Variants in HECW2 observed in about 807,000 individuals in gnomAD.
HECW2 encodes HECT, C2 and WW domain containing E3 ubiquitin protein ligase 2.
A neutral mutation model predicts 175.2 loss-of-function variants in HECW2; 61 were observed. That is an observed-to-expected ratio of 0.35 (90% CI 0.28 to 0.43). HECW2 has a LOEUF of 0.43. Ranked by LOEUF, HECW2 falls within the 20% of genes least tolerant of loss-of-function variation. HECW2 has a pLI of 1.00. For missense variants in HECW2, 1,524 were observed against 2,000.5 expected (o/e 0.76, Z 4.54); for synonymous variants, 671 against 731.0 (o/e 0.92, Z 1.32).
At chr2:196,582,411 T>C (rs895398894) in intron 1 of HECW2, among the ~76,000 whole-genome samples, 3 of 152,194 alleles carry the variant, frequency 2.0e-5, no homozygotes, top group Non-Finnish European at 2.9e-5. Context: ...GGATGCCAAG[T>C]AGTTTCTGTT....
intron 1 of HECW2, among the ~76,000 whole-genome samples, chr2:196,527,450 C>T (rs1362405026): frequency 6.6e-6 from 1 of 152,218 alleles, no homozygotes; most frequent in African/African-American, 2.4e-5. Flanking sequence ...GCGTCGCTCA[C>T]GCTGGGAGCT....
At chr2:196,228,307 G>C (rs928757869) in intron 21 of HECW2, 53 bp from the exon 22 acceptor site, 28 of 1,538,088 alleles carry the variant, frequency 1.8e-5, no homozygotes, top group Middle Eastern at 4.8e-4. Context: ...TCTAGATATT[G>C]GGCAGTTTTT....
At chr2:196,406,621 T>C (rs1421339539) in intron 2 of HECW2, among the ~76,000 whole-genome samples, 1 of 152,192 alleles carries the variant, frequency 6.6e-6, no homozygotes, top group Non-Finnish European at 1.5e-5. Context: ...TTGACAAAGT[T>C]CTCTGTGATC....
intron 1 of HECW2, among the ~76,000 whole-genome samples, chr2:196,479,403 A>G (rs1362255048): frequency 6.6e-6 from 1 of 152,210 alleles, no homozygotes; most frequent in Non-Finnish European, 1.5e-5. Flanking sequence ...CTCCAGAACA[A>G]GAAGTGCTAC....
chr2:196,538,561 G>C (rs889562615), intron 1 of HECW2, among the ~76,000 whole-genome samples: 2 of 152,102 alleles, frequency 1.3e-5, no homozygotes, highest in Admixed American at 1.3e-4. Context: ...GATTAGTCTT[G>C]TATCAGGGAA....
intron 5 of HECW2, among the ~76,000 whole-genome samples, chr2:196,328,856 T>C (rs951305438): frequency 1.3e-5 from 2 of 152,202 alleles, no homozygotes; most frequent in African/African-American, 4.8e-5. Context: ...TTTTCAACAG[T>C]GTCCTATGTA....
In HECW2 at chr2:196,472,317, C is replaced by T. The variant is rs531266554; in HGVS notation, c.-35-38859G>A. 1.5e-4 allele frequency among the ~76,000 whole-genome samples: 23 copies of T among 151,418 alleles called. 1 individual carries two copies. In the East Asian group the frequency reaches 4.3e-3, roughly 28 times the overall value. ...TGGCCAACATGGAGAAACCCTGTCT[C>T]TACTAAAAATACAAAAATTTGGGGG... On this transcript the variant is annotated intron_variant, in intron 1 of 28. Transcript: ENST00000644978.
At chr2:196,538,063 C>T (rs1689080014) in intron 1 of HECW2, among the ~76,000 whole-genome samples, 1 of 152,208 alleles carries the variant, frequency 6.6e-6, no homozygotes, top group Admixed American at 6.5e-5. Context: ...GACCCCTGTC[C>T]TGTAACACTC....
At chr2:196,587,009 C>A (rs77310354) in intron 1 of HECW2, among the ~76,000 whole-genome samples, 12,510 of 152,242 alleles carry the variant, frequency 0.082, 588 homozygotes, top group Non-Finnish European at 0.1. Flanking sequence ...CTTCTGGTTT[C>A]TCTCTAAGGA....
At chr2:196,300,310 A>C (rs1233441768) in intron 13 of HECW2, among the ~76,000 whole-genome samples, 1 of 152,202 alleles carries the variant, frequency 6.6e-6, no homozygotes, top group Non-Finnish European at 1.5e-5. Flanking sequence ...CTGGCCCTTT[A>C]TAGGAAAAGT....
At chr2:196,590,145 G>T (rs1261932682) in intron 1 of HECW2, among the ~76,000 whole-genome samples, 1 of 152,124 alleles carries the variant, frequency 6.6e-6, no homozygotes, top group Non-Finnish European at 1.5e-5. Context: ...TATCTAGGGT[G>T]ACCAGATAAT....
chr2:196,385,956 A>G (rs1475709971), intron 2 of HECW2, among the ~76,000 whole-genome samples: 1 of 151,708 alleles, frequency 6.6e-6, no homozygotes, highest in African/African-American at 2.4e-5. Flanking sequence ...CTGTGTATCT[A>G]GAACTTCTTC....
chr2:196,425,108 T>G (rs961209555), intron 2 of HECW2, among the ~76,000 whole-genome samples: 1 of 151,976 alleles, frequency 6.6e-6, no homozygotes, highest in African/African-American at 2.4e-5. Flanking sequence ...CTGTTGGCAC[T>G]CTAGAAATGG....
intron 1 of HECW2, among the ~76,000 whole-genome samples, chr2:196,455,565 T>G (rs1696484057): frequency 6.6e-6 from 1 of 152,202 alleles, no homozygotes; most frequent in Non-Finnish European, 1.5e-5. Context: ...ATGTTGTAAT[T>G]CAGACAACTT....
chr2:196,495,100 G>A (rs528001600), intron 1 of HECW2, among the ~76,000 whole-genome samples: 44 of 148,534 alleles, frequency 3.0e-4, no homozygotes, highest in Middle Eastern at 3.5e-3. Context: ...ATGGAGTCTC[G>A]CCTTGTCACC....
chr2:196,410,196 C>T (rs966688266), intron 2 of HECW2, among the ~76,000 whole-genome samples: 2 of 152,116 alleles, frequency 1.3e-5, no homozygotes, highest in African/African-American at 4.8e-5. Flanking sequence ...CTTAGGGATG[C>T]AAAGATTTGT....
rs1301722806 is a variant in HECW2, at chr2:196,201,261, G to A, written c.*16C>T. The A allele has an allele frequency of 4.0e-6, 6 of 1,505,716 alleles. No individual in the cohort carries two copies. Among genetic ancestry groups the A allele is most frequent in the Admixed American group, 1.7e-5 (1 of 59,802 alleles). The allele number at this position is 1,505,716 out of a possible 1,614,324, so 93.3% of individuals were successfully genotyped here. A position where few individuals can be genotyped will look rare whatever the true frequency, so the allele number is the denominator to read the frequency against. On this transcript the variant is annotated 3_prime_UTR_variant, in exon 29 of 29. Coordinates refer to ENST00000644978, the MANE Select transcript of HECW2 (RefSeq NM_001348768.2). ...TGAACCTGCCTGTCCACAGAGATGG[G>A]CATTCAGCTTCCAGGTCACTCAAGT...
At chr2:196,490,913 G>T (rs547581478) in intron 1 of HECW2, among the ~76,000 whole-genome samples, 2 of 152,218 alleles carry the variant, frequency 1.3e-5, no homozygotes, top group Admixed American at 6.5e-5. Context: ...AGCAAATCTA[G>T]AAAGACAGAA....
intron 1 of HECW2, among the ~76,000 whole-genome samples, chr2:196,576,140 T>C (rs1295422065): frequency 6.7e-6 from 1 of 150,288 alleles, no homozygotes; most frequent in Non-Finnish European, 1.5e-5. Flanking sequence ...CATTGTGTTA[T>C]AATTGTCTAC....
Sources: allele counts gnomAD v4.1 joint callset (sites outside exome capture counted in the v4.1 genomes callset), GRCh38; gene constraint gnomAD v4.1.1; transcripts MANE v1.5; gene names NCBI Gene and HGNC (gene_info 2026-07-23, HGNC 2026-07-21).